Variants in DDX19B observed in about 807,000 individuals in gnomAD.
The protein encoded by DDX19B is DEAD-box helicase 19B.
A neutral mutation model predicts 58.1 loss-of-function variants in DDX19B; 27 were observed. That is an observed-to-expected ratio of 0.46 (90% confidence interval 0.34 to 0.64). The LOEUF (loss-of-function observed/expected upper bound fraction) is 0.64, where lower values mean the gene tolerates loss of function less well. Among genes scored for constraint, DDX19B ranks in the 30% least tolerant of loss-of-function variants. The pLI is 0.01. For synonymous variants in DDX19B, 187 were observed against 214.4 expected (o/e 0.87, Z 1.12); for missense variants, 399 against 596.5 (o/e 0.67, Z 3.45).
chr16:70,299,123 T>C (rs1961338969), upstream of DDX19B: 13 of 1,338,128 alleles, frequency 9.7e-6, no homozygotes, highest in Non-Finnish European at 1.1e-5. Flanking sequence ...CAGCCTCAAG[T>C]GGGCAAAGGG....
At chr16:70,319,504 T>C (rs1962643536) in intron 5 of DDX19B, 1 of 152,140 alleles carries the variant, frequency 6.6e-6, no homozygotes, top group Non-Finnish European at 1.5e-5. Context: ...CATGATGGAA[T>C]TTTAATACAG....
intron 1 of DDX19B, among the ~76,000 whole-genome samples, chr16:70,310,897 A>G (rs998487362): frequency 1.3e-5 from 2 of 151,370 alleles, no homozygotes; most frequent in Non-Finnish European, 2.9e-5. Context: ...TGGGGGTGGT[A>G]GCGGACGCCT....
At chr16:70,294,700 A>G (rs767974587), upstream of DDX19B, 3 of 524,804 alleles carry the variant, frequency 5.7e-6, no homozygotes, top group East Asian at 6.8e-5. Flanking sequence ...TTTGGCCCCC[A>G]GAGTTCCTGG....
intron 1 of DDX19B, among the ~76,000 whole-genome samples, chr16:70,302,200 C>T (rs1230281345): frequency 1.3e-5 from 2 of 152,128 alleles, no homozygotes; most frequent in Non-Finnish European, 2.9e-5. Context: ...GAATTACAGG[C>T]GTGAGCCACC....
chr16:70,322,088 G>A (rs560434161), intron 5 of DDX19B, among the ~76,000 whole-genome samples: 1 of 152,030 alleles, frequency 6.6e-6, no homozygotes, highest in African/African-American at 2.4e-5. Flanking sequence ...GCTCATGCCT[G>A]TTATCCCAGC....
At chr16:70,300,326 C>CTACAG (rs1567621594) in intron 1 of DDX19B, among the ~76,000 whole-genome samples, 6 of 150,374 alleles carry the variant, frequency 4.0e-5, no homozygotes, top group Non-Finnish European at 7.4e-5. Context: ...CCACCTCAGC[C>CTACAG]TCCTGAGTAA....
At chr16:70,313,468 C>T (rs1352666876) in intron 2 of DDX19B, among the ~76,000 whole-genome samples, 1 of 152,040 alleles carries the variant, frequency 6.6e-6, no homozygotes, top group Non-Finnish European at 1.5e-5. Flanking sequence ...GTTTTTAATA[C>T]AAGAATGAGG....
At chr16:70,293,963 A>G (rs1158642475), upstream of DDX19B, among the ~76,000 whole-genome samples, 1 of 151,810 alleles carries the variant, frequency 6.6e-6, no homozygotes, top group African/African-American at 2.4e-5. Context: ...AGCATATTAT[A>G]ATTTTTTTGT....
chr16:70,303,979 A>G lies in DDX19B; in HGVS notation c.57+4625A>G, dbSNP rs148683537. 4.1e-3 allele frequency among the ~76,000 whole-genome samples: 624 copies of G among 152,222 alleles called. 2 individuals are homozygous for G. The highest frequency in any genetic ancestry group is 0.014 in the African/African-American group (583 of 41,538). ...TCTTATAGTTTTAAATTTTACATTT[A>G]TGTCTGTAATCCATTTTCCATTTTG... On this transcript the variant is annotated intron_variant, in intron 1 of 11. Transcript: ENST00000288071.
At chr16:70,296,238 G>A (rs1031931504), upstream of DDX19B, among the ~76,000 whole-genome samples, 1 of 151,674 alleles carries the variant, frequency 6.6e-6, no homozygotes. Flanking sequence ...TCCTGACCTC[G>A]TGATCCACCA....
At chr16:70,322,415 AC>A (rs1567634125) in intron 5 of DDX19B, among the ~76,000 whole-genome samples, 1 of 150,842 alleles carries the variant, frequency 6.6e-6, no homozygotes, top group East Asian at 2.0e-4. Context: ...ACATGGCGAA[AC>A]CCATCTCTAC....
At chr16:70,294,746 G>A (rs1961157931), upstream of DDX19B, 8 of 991,440 alleles carry the variant, frequency 8.1e-6, no homozygotes, top group Non-Finnish European at 9.8e-6. Flanking sequence ...CCCCTCAGCT[G>A]ATTGGCTGAC....
chr16:70,322,384 A>G (rs1380830099), intron 5 of DDX19B, among the ~76,000 whole-genome samples: 2 of 151,964 alleles, frequency 1.3e-5, no homozygotes, highest in Admixed American at 1.3e-4. Context: ...TGAGGTCAGG[A>G]GTTCAAGACC....
chr16:70,310,506 C>T (rs1251554518), intron 1 of DDX19B, among the ~76,000 whole-genome samples: 1 of 152,022 alleles, frequency 6.6e-6, no homozygotes, highest in African/African-American at 2.4e-5. Flanking sequence ...CATGCCACTG[C>T]ACCACTCCAG....
intron 5 of DDX19B, among the ~76,000 whole-genome samples, chr16:70,322,579 A>G (rs1962897195): frequency 7.8e-6 from 1 of 127,752 alleles, no homozygotes; most frequent in Non-Finnish European, 1.6e-5. Flanking sequence ...ACAAAGTGAG[A>G]CCTTGTCTCA....
chr16:70,290,349 A>T (rs1023715959), upstream of DDX19B, among the ~76,000 whole-genome samples: 2 of 152,104 alleles, frequency 1.3e-5, no homozygotes, highest in African/African-American at 4.8e-5. Flanking sequence ...CATCCTGGCC[A>T]ACATGGTGAA....
chr16:70,305,898 C>A (rs565517885), intron 1 of DDX19B, among the ~76,000 whole-genome samples: 12 of 152,022 alleles, frequency 7.9e-5, no homozygotes, highest in African/African-American at 2.9e-4. Context: ...GTAGCTGGGA[C>A]TACAGGCGCC....
At chr16:70,295,081 T>C (rs1349967719), upstream of DDX19B, 1 of 1,274,920 alleles carries the variant, frequency 7.8e-7, no homozygotes, top group Non-Finnish European at 9.9e-7. Flanking sequence ...GTACTTCCTG[T>C]GATTTCAGGG....
chr16:70,301,802 C>A (rs1266935098), intron 1 of DDX19B, among the ~76,000 whole-genome samples: 1 of 151,688 alleles, frequency 6.6e-6, no homozygotes, highest in Non-Finnish European at 1.5e-5. Flanking sequence ...AACTCCTGGG[C>A]TCAAGTGATC....
Sources: allele counts gnomAD v4.1 joint callset (sites outside exome capture counted in the v4.1 genomes callset), GRCh38; gene constraint gnomAD v4.1.1; transcripts MANE v1.5; gene names NCBI Gene and HGNC (gene_info 2026-07-23, HGNC 2026-07-21).